Variants in RAD51B observed in about 807,000 individuals in gnomAD.
RAD51B encodes RAD51 paralog B, also known as DNA repair protein RAD51 homolog 2.
Under a neutral mutation model 42.2 loss-of-function variants are expected in RAD51B, and 38 were observed. The ratio of observed to expected loss-of-function variants is 0.90; its 90% CI spans 0.70 to 1.18. The LOEUF (loss-of-function observed/expected upper bound fraction) is 1.18, where lower values mean the gene tolerates loss of function less well. RAD51B is among the 50% of genes most tolerant of loss of function. RAD51B has a pLI of 0.00. For synonymous variants in RAD51B, 154 were observed against 145.2 expected (o/e 1.06, Z -0.43); for missense variants, 373 against 400.7 (o/e 0.93, Z 0.59).
intron 7 of RAD51B, among the ~76,000 whole-genome samples, chr14:68,009,641 C>A (rs1168361447): frequency 6.6e-6 from 1 of 151,786 alleles, no homozygotes; most frequent in Non-Finnish European, 1.5e-5. Context: ...TATAGCTTAT[C>A]CCCATGCTTT....
At chr14:67,833,777 A>C (rs1171093862) in intron 3 of RAD51B, among the ~76,000 whole-genome samples, 3 of 152,146 alleles carry the variant, frequency 2.0e-5, no homozygotes, top group African/African-American at 7.2e-5. Flanking sequence ...GATAAGGGGG[A>C]CTGTTGTACT....
chr14:67,831,786 C>T (rs1015168017), intron 3 of RAD51B, among the ~76,000 whole-genome samples: 12 of 152,110 alleles, frequency 7.9e-5, no homozygotes, highest in African/African-American at 1.2e-4. Flanking sequence ...TCAGGTGATA[C>T]GCCGGCCTCG....
intron 8 of RAD51B, among the ~76,000 whole-genome samples, chr14:68,402,544 G>A (rs1031057291): frequency 7.9e-5 from 12 of 152,210 alleles, no homozygotes; most frequent in Non-Finnish European, 1.5e-4. Context: ...CTGGGACTTG[G>A]CCACTGGTCA....
At chr14:68,365,965 G>C (rs929518154) in intron 8 of RAD51B, among the ~76,000 whole-genome samples, 1 of 151,940 alleles carries the variant, frequency 6.6e-6, no homozygotes, top group Admixed American at 6.5e-5. Context: ...AGGAAGGTGA[G>C]TTTTCCAGAT....
intron 7 of RAD51B, among the ~76,000 whole-genome samples, chr14:68,048,571 T>C (rs2076340616): frequency 6.6e-6 from 1 of 152,188 alleles, no homozygotes; most frequent in Non-Finnish European, 1.5e-5. Context: ...TTTTATGGTT[T>C]TAGGTCTAAC....
At chr14:68,320,978 A>G (rs1309130130) in intron 8 of RAD51B, among the ~76,000 whole-genome samples, 1 of 151,852 alleles carries the variant, frequency 6.6e-6, no homozygotes, top group Non-Finnish European at 1.5e-5. Context: ...CACATCTCTC[A>G]TGTTTCTTTC....
intron 7 of RAD51B, among the ~76,000 whole-genome samples, chr14:67,987,788 G>A (rs17192586): frequency 0.18 from 26,922 of 152,120 alleles, 2,590 homozygotes; most frequent in Middle Eastern, 0.35. Context: ...TAGGAGTAAC[G>A]GCTGACATTC....
In RAD51B at chr14:68,071,455, T is replaced by C. The variant is rs565388944; in HGVS notation, c.756+184251T>C. ...GTATATACCTTTGATGCCTAGTTTG[T>C]TTTTAGCACAAAAGGATGTTGAGTT... On this transcript the variant is annotated intron_variant, in intron 7 of 10. Coordinates refer to ENST00000471583, the MANE Select transcript of RAD51B (RefSeq NM_133510.4). Among the ~76,000 whole-genome samples the C allele has an allele frequency of 2.0e-4, 30 of 152,270 alleles. 1 individual carries two copies. The South Asian group carries it at 5.2e-3, about 26-fold the overall frequency.
chr14:68,219,105 C>G (rs1275438974), intron 7 of RAD51B, among the ~76,000 whole-genome samples: 1 of 152,176 alleles, frequency 6.6e-6, no homozygotes. Flanking sequence ...CTAAAACTCC[C>G]GGCAGAGCAG....
chr14:67,991,998 A>C (rs575829021), intron 7 of RAD51B, among the ~76,000 whole-genome samples: 115 of 152,302 alleles, frequency 7.6e-4, no homozygotes, highest in African/African-American at 2.7e-3. Flanking sequence ...CAGAAAACTT[A>C]ATATGGGCAA....
In RAD51B at chr14:68,328,858, A is replaced by G. The variant is rs376172301; in HGVS notation, c.853+36878A>G. On this transcript the variant is annotated intron_variant, in intron 8 of 10. Transcript: ENST00000471583. ...TTGGAGAAGCCTGCCTAAGACTAACAACACACTGCAAGGAAGAGCTGAAAG... is the reference window on the plus strand; with the variant it reads ...TTGGAGAAGCCTGCCTAAGACTAACGACACACTGCAAGGAAGAGCTGAAAG... Among the ~76,000 whole-genome samples, 9 of 152,286 alleles carry G rather than the reference A, an allele frequency of 5.9e-5. No individual in the cohort carries two copies. The South Asian group carries it at 1.9e-3, about 32-fold the overall frequency.
At chr14:68,603,943 G>A (rs17105969) in intron 10 of RAD51B, among the ~76,000 whole-genome samples, 2,185 of 152,336 alleles carry the variant, frequency 0.014, 56 homozygotes, top group African/African-American at 0.049. Context: ...TGGGGTCTCC[G>A]GAGGGAAGCG....
At chr14:68,666,120 C>T (rs1272055305) in intron 11 of RAD51B, among the ~76,000 whole-genome samples, 1 of 152,074 alleles carries the variant, frequency 6.6e-6, no homozygotes. Context: ...GCCAGCATAG[C>T]AGAGAGTAGA....
At chr14:68,310,822 G>A (rs1010345210) in intron 8 of RAD51B, among the ~76,000 whole-genome samples, 1 of 152,088 alleles carries the variant, frequency 6.6e-6, no homozygotes, top group Non-Finnish European at 1.5e-5. Flanking sequence ...TCTAGCCTGG[G>A]CCACAGAGCA....
intron 7 of RAD51B, among the ~76,000 whole-genome samples, chr14:67,931,733 C>T (rs1006098072): frequency 1.3e-5 from 2 of 151,964 alleles, no homozygotes; most frequent in Non-Finnish European, 2.9e-5. Context: ...GACCTCTTGA[C>T]CTCAGGTGAT....
Position 68,601,743 on chromosome 14 carries a change from C to T in RAD51B, c.1037-9263C>T, listed in dbSNP as rs549254864. On this transcript the variant is annotated intron_variant, in intron 10 of 10. Transcript: ENST00000487861. ...ATGCTGCCCTCCACATGCAGGCCCA[C>T]TACCTCCCCTCCCTCTTGTCAAACC... Among the ~76,000 whole-genome samples the T allele has an allele frequency of 3.3e-5, 5 of 152,262 alleles. No homozygotes were observed. The South Asian group carries it at 1.0e-3, about 32-fold the overall frequency.
chr14:68,343,446 A>C (rs1033446714), intron 8 of RAD51B, among the ~76,000 whole-genome samples: 1 of 152,206 alleles, frequency 6.6e-6, no homozygotes, highest in Non-Finnish European at 1.5e-5. Flanking sequence ...TTTTCCCCCT[A>C]TCTCTTTTGA....
intron 8 of RAD51B, among the ~76,000 whole-genome samples, chr14:68,324,742 C>A (rs936591659): frequency 6.6e-6 from 1 of 152,098 alleles, no homozygotes; most frequent in Non-Finnish European, 1.5e-5. Flanking sequence ...TCTCTGGATT[C>A]CTGTTGAAGT....
At chr14:68,098,996 G>C (rs1015263535) in intron 7 of RAD51B, among the ~76,000 whole-genome samples, 3 of 152,138 alleles carry the variant, frequency 2.0e-5, no homozygotes, top group Non-Finnish European at 4.4e-5. Context: ...AATGGAGAAG[G>C]TTGTTAAACA....
Sources: allele counts gnomAD v4.1 joint callset (sites outside exome capture counted in the v4.1 genomes callset), GRCh38; gene constraint gnomAD v4.1.1; transcripts MANE v1.5; gene names NCBI Gene and HGNC (gene_info 2026-07-23, HGNC 2026-07-21).